The following ADAMTS6 variants were observed in gnomAD, a reference collection of about 807,000 sequenced individuals.
The protein encoded by ADAMTS6 is ADAM metallopeptidase with thrombospondin type 1 motif 6.
In ADAMTS6, 23 loss-of-function variants were observed where a neutral mutation model predicts 144.3. The ratio of observed to expected loss-of-function variants is 0.16; its 90% CI spans 0.11 to 0.23. The LOEUF (loss-of-function observed/expected upper bound fraction) is 0.23. Ranked by LOEUF, ADAMTS6 falls within the 10% of genes least tolerant of loss-of-function variation. The pLI is 1.00. For missense variants in ADAMTS6, 999 were observed against 1,379.6 expected, an observed-to-expected ratio of 0.72 and a Z score of 4.37; for synonymous variants, 444 against 457.5, an observed-to-expected ratio of 0.97 and a Z score of 0.38.
At chr5:65,420,771 G>T (rs544305092) in intron 7 of ADAMTS6, among the ~76,000 whole-genome samples, 2 of 151,966 alleles carry the variant, frequency 1.3e-5, no homozygotes, top group Admixed American at 1.3e-4. Flanking sequence ...AAGCTAGAAA[G>T]GTAGACTTAG....
At chr5:65,399,332 G>A (rs976797290) in intron 7 of ADAMTS6, among the ~76,000 whole-genome samples, 4 of 152,152 alleles carry the variant, frequency 2.6e-5, no homozygotes, top group African/African-American at 9.7e-5. Context: ...AACAATCTCT[G>A]TCTTCCAATT....
chr5:65,472,024 A>G (rs1580789781), intron 2 of ADAMTS6, among the ~76,000 whole-genome samples: 1 of 152,250 alleles, frequency 6.6e-6, no homozygotes, highest in East Asian at 1.9e-4. Flanking sequence ...ATGAATAGAC[A>G]AACAAAATGT....
chr5:65,259,412 A>G (rs1760970679), intron 14 of ADAMTS6, among the ~76,000 whole-genome samples: 1 of 151,082 alleles, frequency 6.6e-6, no homozygotes, highest in African/African-American at 2.4e-5. Flanking sequence ...AAACAAACAA[A>G]AAGAGTAGGA....
chr5:65,334,237 G>A (rs1747087995), intron 7 of ADAMTS6, 152 bp from the exon 8 acceptor site: 1 of 767,998 alleles, frequency 1.3e-6, no homozygotes, highest in African/African-American at 1.9e-5. Context: ...GCACTCTACA[G>A]TGCTGAGGGA....
intron 7 of ADAMTS6, among the ~76,000 whole-genome samples, chr5:65,424,500 G>C (rs1421882729): frequency 6.6e-6 from 1 of 152,180 alleles, no homozygotes; most frequent in African/African-American, 2.4e-5. Flanking sequence ...ACTACATCAA[G>C]ACTCTTGGAA....
At chr5:65,227,785 A>AT (rs944674461) in intron 15 of ADAMTS6, among the ~76,000 whole-genome samples, 6 of 151,856 alleles carry the variant, frequency 4.0e-5, no homozygotes, top group East Asian at 1.9e-4. Flanking sequence ...TGAAAACTTA[A>AT]TTTTTTTTTC....
At chr5:65,319,359 T>C (rs1745310163) in intron 9 of ADAMTS6, among the ~76,000 whole-genome samples, 1 of 150,918 alleles carries the variant, frequency 6.6e-6, no homozygotes, top group Non-Finnish European at 1.5e-5. Flanking sequence ...AGTAAGGAAA[T>C]AATAAGGAGT....
intron 18 of ADAMTS6, among the ~76,000 whole-genome samples, chr5:65,217,374 T>G (rs1409081607): frequency 5.1e-5 from 7 of 138,584 alleles, no homozygotes; most frequent in African/African-American, 1.9e-4. Context: ...TCTCACTTCC[T>G]TTTTTTTTTT....
chr5:65,265,898 C>T (rs1200724404), intron 12 of ADAMTS6, among the ~76,000 whole-genome samples: 1 of 151,588 alleles, frequency 6.6e-6, no homozygotes, highest in African/African-American at 2.4e-5. Context: ...AAAAAAAATC[C>T]ATTGGAGGTG....
rs1168131123 is a variant in ADAMTS6, at chr5:65,452,871, C to G, written c.679G>C (p.Val227Leu). The G allele has an allele frequency of 6.2e-7, 1 of 1,613,892 alleles. No homozygotes were observed. The highest frequency in any genetic ancestry group is 8.5e-7 in the Non-Finnish European group (1 of 1,179,944). The change falls in exon 5 of 25, where the codon GTT (valine) becomes CTT (leucine). Residue 227 changes from valine to leucine, a missense_variant. Coordinates refer to ENST00000381055, the MANE Select transcript of ADAMTS6 (RefSeq NM_197941.4). ...TTGTTAATTGGTAGTGAATAAGAAACAGTGGATGTGTCATTCAGCCACCAA... is the reference window on the plus strand; with the variant it reads ...TTGTTAATTGGTAGTGAATAAGAAAGAGTGGATGTGTCATTCAGCCACCAA... ...KPWWLNDTST[V>L]SYSLPINNTH...
chr5:65,238,933 C>A (rs1758917936), intron 15 of ADAMTS6, among the ~76,000 whole-genome samples: 1 of 152,132 alleles, frequency 6.6e-6, no homozygotes, highest in Non-Finnish European at 1.5e-5. Context: ...ACATTAACAA[C>A]TGATGCAAAA....
intron 7 of ADAMTS6, among the ~76,000 whole-genome samples, chr5:65,444,081 T>C (rs570437513): frequency 6.6e-6 from 1 of 152,172 alleles, no homozygotes; most frequent in Non-Finnish European, 1.5e-5. Flanking sequence ...TCTTTATATA[T>C]GGAATCTATT....
At position 65,447,820 on chromosome 5, in the gene ADAMTS6, TCTA is replaced by T. The variant is rs201173149; in HGVS notation, c.1073+3652_1073+3654del. On this transcript the variant is annotated intron_variant, in intron 7 of 24. Transcript: ENST00000381055. ...AAAAATGAAAGATCAGTTTTATTAT[TCTA>T]CTATTAATGTATATTTATAATATAT... 7.2e-3 allele frequency among the ~76,000 whole-genome samples: 1,029 copies of T among 142,066 alleles called. 11 individuals carry two copies. The highest frequency in any genetic ancestry group is 0.026 in the African/African-American group (962 of 36,708). 93.2% of individuals were successfully genotyped at this position (142,066 alleles called of 152,430 possible).
intron 7 of ADAMTS6, among the ~76,000 whole-genome samples, chr5:65,406,417 G>C (rs1754495890): frequency 1.3e-5 from 2 of 151,870 alleles, no homozygotes; most frequent in African/African-American, 2.4e-5. Flanking sequence ...TGTGGTTTTT[G>C]TCTTTGGTTC....
chr5:65,307,680 G>A (rs1259073442), intron 9 of ADAMTS6, among the ~76,000 whole-genome samples: 2 of 152,172 alleles, frequency 1.3e-5, no homozygotes, highest in Non-Finnish European at 2.9e-5. Context: ...AGGGATGGAG[G>A]TCATTAGCTT....
chr5:65,198,098 T>A (rs1755504931), intron 20 of ADAMTS6, among the ~76,000 whole-genome samples: 1 of 152,056 alleles, frequency 6.6e-6, no homozygotes, highest in African/African-American at 2.4e-5. Flanking sequence ...GAGAAACACG[T>A]CAAACTACAA....
rs1484818854 is a variant in ADAMTS6 at position 65,449,188 on chromosome 5, C to CA, written c.1073+2286dup. On this transcript the variant is annotated intron_variant, in intron 7 of 24. Coordinates refer to ENST00000381055, the MANE Select transcript of ADAMTS6 (RefSeq NM_197941.4). The stretch of plus-strand genomic sequence containing the variant: ...TTCAAAAAAGAATTCTACACTGCTG[C>CA]AAAAAGCATTTTTCTAACCTCTGTT... Among the ~76,000 whole-genome samples the CA allele has an allele frequency of 8.5e-5, 13 of 152,244 alleles. No homozygotes were observed. The East Asian group carries it at 2.3e-3, about 27-fold the overall frequency.
rs575761382 is a variant in ADAMTS6, at chr5:65,172,895, G to T, written c.3024C>A (p.Val1008=). Residue 1008 remains valine, a synonymous_variant, in exon 23 of 25, where the codon GTC becomes GTA. Coordinates refer to ENST00000381055, the MANE Select transcript of ADAMTS6 (RefSeq NM_197941.4). ...AGCGGCCCAAACTGCAGCGGATGCG[G>T]ACAGGAGGTTTGCTTTCCTCTGGAC... ...AQCPEESKPP[V]RIRCSLGRCP... is the part of the protein sequence containing the mutation. 487 of 1,614,254 alleles carry T rather than the reference G, an allele frequency of 3.0e-4. No individual in the cohort carries two copies. The highest frequency in any genetic ancestry group is 4.0e-4 in the Non-Finnish European group (477 of 1,180,052).
chr5:65,187,971 T>G, intron 22 of ADAMTS6, 45 bp downstream of exon 22: 2 of 1,594,708 alleles, frequency 1.3e-6, no homozygotes, highest in Non-Finnish European at 8.6e-7. Context: ...GGATAGATAG[T>G]TAGGACATTT....
Sources: gnomAD v4.1 joint callset for allele counts (sites outside exome capture counted in the v4.1 genomes callset) on GRCh38, gnomAD v4.1.1 for gene constraint, MANE v1.5 for transcripts, NCBI Gene and HGNC (gene_info 2026-07-23, HGNC 2026-07-21) for gene names.